PLXNA4: variants seen among roughly 807,000 people sequenced by gnomAD.
PLXNA4 encodes plexin-A4.
In PLXNA4, 44 loss-of-function variants were observed where a neutral mutation model predicts 191.8. That is an observed-to-expected ratio of 0.23 (90% confidence interval 0.18 to 0.29). PLXNA4 has a LOEUF of 0.29. Ranked by LOEUF, PLXNA4 falls within the 10% of genes least tolerant of loss-of-function variation. The pLI, the probability that PLXNA4 is intolerant of heterozygous loss-of-function variation, is 1.00. For synonymous variants in PLXNA4, 1,082 were observed against 1,009.5 expected (o/e 1.07, Z -1.36); for missense variants, 1,800 against 2,488.8 (o/e 0.72, Z 5.89).
At position 132,124,987 on chromosome 7, in the gene PLXNA4, G is replaced by GGAT; in HGVS notation, c.*5489_*5491dup. On this transcript the variant is annotated 3_prime_UTR_variant, in exon 32 of 32. Transcript: ENST00000321063. ...AAAATTCTATATACTTTTAAAACTT[G>GGAT]GATACTCCCTCTAATAAAATAATTT... 1 of 114,418 alleles carries GGAT rather than the reference G, an allele frequency of 8.7e-6. No homozygotes were observed. The highest frequency in any genetic ancestry group is 2.6e-4 in the East Asian group (1 of 3,824). The allele number at this position is 114,418 out of a possible 1,614,324, so 7.1% of individuals were successfully genotyped here.
chr7:132,315,266 T>C (rs1408619200), intron 3 of PLXNA4, among the ~76,000 whole-genome samples: 1 of 152,192 alleles, frequency 6.6e-6, no homozygotes, highest in Non-Finnish European at 1.5e-5. Flanking sequence ...GTTGAGCATG[T>C]ACTGTGTAAA....
At chr7:132,553,414 T>C (rs950751729) in intron 1 of PLXNA4, among the ~76,000 whole-genome samples, 5 of 152,100 alleles carry the variant, frequency 3.3e-5, no homozygotes, top group African/African-American at 9.7e-5. Flanking sequence ...CAAGGGGTGA[T>C]GGTCATCAGC....
chr7:132,561,684 T>C (rs1801097125), intron 1 of PLXNA4, among the ~76,000 whole-genome samples: 1 of 135,022 alleles, frequency 7.4e-6, no homozygotes, highest in Non-Finnish European at 1.6e-5. Context: ...CTTCTCCTCC[T>C]CCTTCACCTC....
intron 1 of PLXNA4, among the ~76,000 whole-genome samples, chr7:132,533,934 TTATTATTATTATTAC>T (rs971306632): frequency 7.3e-5 from 11 of 151,078 alleles, no homozygotes; most frequent in Non-Finnish European, 1.5e-4. Flanking sequence ...ACTATTATTA[TTATTATTATTATTAC>T]TATTATTATG....
chr7:132,198,870 T>C (rs1036016015), intron 12 of PLXNA4, among the ~76,000 whole-genome samples: 7 of 152,154 alleles, frequency 4.6e-5, no homozygotes, highest in Non-Finnish European at 1.0e-4. Flanking sequence ...GGTACATCTT[T>C]CCATTTCATA....
intron 20 of PLXNA4, among the ~76,000 whole-genome samples, chr7:132,175,137 C>A (rs533087762): frequency 6.6e-6 from 1 of 152,270 alleles, no homozygotes; most frequent in Admixed American, 6.5e-5. Flanking sequence ...GAAACCTTGT[C>A]TTGGGGCTAA....
chr7:132,141,486 G>C (rs1006163834), intron 29 of PLXNA4, among the ~76,000 whole-genome samples: 1 of 152,194 alleles, frequency 6.6e-6, no homozygotes, highest in African/African-American at 2.4e-5. Context: ...TGGGGATACA[G>C]TGATGAATGA....
intron 3 of PLXNA4, among the ~76,000 whole-genome samples, chr7:132,363,714 A>G (rs1044076699): frequency 2.6e-5 from 4 of 152,238 alleles, no homozygotes; most frequent in Non-Finnish European, 5.9e-5. Flanking sequence ...CCAGAAGTGT[A>G]ACCGCTGGAT....
chr7:132,350,462 C>T (rs1803434435), intron 3 of PLXNA4, among the ~76,000 whole-genome samples: 1 of 152,076 alleles, frequency 6.6e-6, no homozygotes, highest in Non-Finnish European at 1.5e-5. Context: ...CAAGATTGTG[C>T]CACTGCACTC....
In PLXNA4 at chr7:132,507,875, C is replaced by T. The variant is rs779148026; in HGVS notation, c.819G>A (p.Glu273=). The change falls in exon 2 of 32, where the codon GAG becomes GAA. Residue 273 remains glutamate, a synonymous_variant. Transcript: ENST00000321063. ...TCACGAGCTTGGATGTATACACCTG[C>T]TCCTTGGTGGTGGAGCCTGGTGGAG... is the stretch of plus-strand genomic sequence containing the variant. ...MVSPPGSTTK[E]QVYTSKLVRL... is the part of the protein sequence containing the mutation. The T allele has an allele frequency of 1.9e-6, 3 of 1,614,062 alleles. No homozygotes were observed. The highest frequency in any genetic ancestry group is 1.3e-5 in the African/African-American group (1 of 74,932).
At chr7:132,437,560 GA>G (rs1449408699) in intron 3 of PLXNA4, among the ~76,000 whole-genome samples, 2 of 41,742 alleles carry the variant, frequency 4.8e-5, no homozygotes, top group East Asian at 4.9e-4. Flanking sequence ...TGCATCTGAG[GA>G]AAAAAAAGAA....
At chr7:132,135,402 T>C (rs13228926) in intron 30 of PLXNA4, among the ~76,000 whole-genome samples, 14,094 of 152,222 alleles carry the variant, frequency 0.093, 941 homozygotes, top group Admixed American at 0.21. Context: ...ACTCCTGTAA[T>C]TTCTCTCACC....
At chr7:132,304,918 G>A (rs997287566) in intron 3 of PLXNA4, among the ~76,000 whole-genome samples, 4 of 152,180 alleles carry the variant, frequency 2.6e-5, no homozygotes, top group African/African-American at 9.7e-5. Context: ...CCAGCCAGCT[G>A]TATGGTCCCC....
intron 3 of PLXNA4, among the ~76,000 whole-genome samples, chr7:132,475,399 C>T (rs142388044): frequency 2.1e-3 from 314 of 152,238 alleles, no homozygotes; most frequent in African/African-American, 6.9e-3. Flanking sequence ...GACAAAGAAA[C>T]GGAACCCCCT....
chr7:132,127,936 GA>G lies in PLXNA4; in HGVS notation c.*2542del, dbSNP rs1475969497. 5.2e-5 allele frequency: 7 copies of G among 133,564 alleles called. No homozygotes were observed. The highest frequency in any genetic ancestry group is 1.4e-4 in the African/African-American group (5 of 34,510). 8.3% of individuals were successfully genotyped at this position (133,564 alleles called of 1,614,324 possible). On this transcript the variant is annotated 3_prime_UTR_variant, in exon 32 of 32. Coordinates refer to ENST00000321063, the MANE Select transcript of PLXNA4 (RefSeq NM_020911.2). ...AAAATAAAAGCTTCAGCAGAACCGTGATAAGTCTTTTTTCTTTTTTTTTTCT... is the reference window on the plus strand; with the variant it reads ...AAAATAAAAGCTTCAGCAGAACCGTGTAAGTCTTTTTTCTTTTTTTTTTCT...
chr7:132,526,105 A>C (rs1310964159), intron 1 of PLXNA4, among the ~76,000 whole-genome samples: 1 of 152,218 alleles, frequency 6.6e-6, no homozygotes, highest in East Asian at 1.9e-4. Context: ...AAATTGAGAA[A>C]CTTAGAGCAA....
At chr7:132,243,416 G>A (rs1798946838) in intron 4 of PLXNA4, among the ~76,000 whole-genome samples, 1 of 152,152 alleles carries the variant, frequency 6.6e-6, no homozygotes, top group Non-Finnish European at 1.5e-5. Flanking sequence ...ATGGAATGTG[G>A]CTGCATGTTC....
At chr7:132,585,219 A>C (rs557908168) in intron 2 of PLXNA4, among the ~76,000 whole-genome samples, 2 of 152,336 alleles carry the variant, frequency 1.3e-5, no homozygotes. Flanking sequence ...AAGCAGCTTT[A>C]GATCAAGTCA....
intron 2 of PLXNA4, among the ~76,000 whole-genome samples, chr7:132,616,932 C>A (rs889961405): frequency 1.3e-5 from 2 of 152,126 alleles, no homozygotes; most frequent in African/African-American, 4.8e-5. Context: ...TTGCTCTGTC[C>A]AGCAAATGGG....
Sources: gnomAD v4.1 joint callset for allele counts (sites outside exome capture counted in the v4.1 genomes callset) on GRCh38, gnomAD v4.1.1 for gene constraint, MANE v1.5 for transcripts, NCBI Gene and HGNC (gene_info 2026-07-23, HGNC 2026-07-21) for gene names.